Variants in BTG3 observed in about 807,000 individuals in gnomAD.
BTG3 encodes BTG anti-proliferation factor 3.
BTG3 carries 4 observed loss-of-function variants against 25.8 expected under a neutral mutation model. That is an observed-to-expected ratio of 0.16 (90% CI 0.08 to 0.36). The LOEUF (loss-of-function observed/expected upper bound fraction) is 0.36, where lower values mean the gene tolerates loss of function less well. BTG3 is among the 10% of genes least tolerant of loss of function. The pLI is 1.00. For missense variants in BTG3, 201 were observed against 304.9 expected, an observed-to-expected ratio of 0.66 and a Z score of 2.54; for synonymous variants, 107 against 99.9, an observed-to-expected ratio of 1.07 and a Z score of -0.42.
At chr21:17,594,436 C>G in intron 4 of BTG3, 104 bp from the exon 5 acceptor site, 21 of 1,299,616 alleles carry the variant, frequency 1.6e-5, no homozygotes, top group African/African-American at 3.0e-5. Context: ...ACACTGAGAT[C>G]ACATCTAAGT....
intron 4 of BTG3, 122 bp from the exon 5 acceptor site, chr21:17,594,454 C>G (rs1387350159): frequency 8.6e-7 from 1 of 1,160,730 alleles, no homozygotes; most frequent in East Asian, 2.5e-5. Context: ...AGTGACACTC[C>G]TATTGTCAGG....
At chr21:17,594,713 A>G (rs192491791) in intron 4 of BTG3, among the ~76,000 whole-genome samples, 1 of 152,188 alleles carries the variant, frequency 6.6e-6, no homozygotes, top group African/African-American at 2.4e-5. Context: ...TTGGAGCTGG[A>G]GGCCATTATC....
intron 2 of BTG3, chr21:17,608,678 C>G (rs2061679032): frequency 9.9e-6 from 3 of 302,100 alleles, no homozygotes; most frequent in African/African-American, 2.1e-5. Context: ...GTGAAAATCC[C>G]TAAGTATTTG....
rs1452764203 is a variant in BTG3 at position 17,607,397 on chromosome 21, AAATT to A, written c.173+1571_173+1574del. ...TTGGAAATGAAAATATGCAAAAAAA[AAATT>A]AAGATAATCAAGAGATAAGATAAAA... On this transcript the variant is annotated intron_variant, in intron 2 of 4. Coordinates refer to ENST00000348354, the MANE Select transcript of BTG3 (RefSeq NM_006806.5). 2.6e-5 allele frequency among the ~76,000 whole-genome samples: 4 copies of A among 152,336 alleles called. No individual in the cohort carries two copies. In the East Asian group the frequency reaches 7.7e-4, roughly 29 times the overall value.
chr21:17,605,097 T>TA, intron 2 of BTG3, 100 bp from the exon 3 acceptor site: 18 of 1,316,848 alleles, frequency 1.4e-5, no homozygotes, highest in East Asian at 7.5e-5. Flanking sequence ...AAAATAGTAA[T>TA]AAAAAAATAC....
chr21:17,601,656 CCA>C (rs371487819), intron 3 of BTG3, among the ~76,000 whole-genome samples: 4 of 152,190 alleles, frequency 2.6e-5, no homozygotes, highest in Admixed American at 6.5e-5. Flanking sequence ...CATGTCCCCT[CCA>C]CAGTTGGAAG....
At chr21:17,603,792 A>C (rs1417524468) in intron 3 of BTG3, among the ~76,000 whole-genome samples, 3 of 152,124 alleles carry the variant, frequency 2.0e-5, no homozygotes, top group African/African-American at 7.2e-5. Context: ...CTCCCAGCTC[A>C]AGTATCACCT....
Position 17,598,549 on chromosome 21 carries a change from T to G in BTG3, c.519+68A>C, listed in dbSNP as rs189739532. 3 of 1,348,828 alleles carry G rather than the reference T, an allele frequency of 2.2e-6. No individual in the cohort carries two copies. The Admixed American group carries it at 6.0e-5, about 27-fold the overall frequency. The allele number at this position is 1,348,828 out of a possible 1,614,324, so 83.6% of individuals were successfully genotyped here. On this transcript the variant is annotated intron_variant, in intron 4 of 4. Transcript: ENST00000348354. ...GTCAGAAACCTTGGGCAATGCCAAG[T>G]AGGACTACCTGAAAGGTCCTGGCAA...
chr21:17,610,205 G>T (rs1357761903), intron 1 of BTG3, among the ~76,000 whole-genome samples: 1 of 152,128 alleles, frequency 6.6e-6, no homozygotes, highest in African/African-American at 2.4e-5. Context: ...AATAAGTACA[G>T]GGTTACTTTT....
intron 4 of BTG3, among the ~76,000 whole-genome samples, chr21:17,597,140 T>A (rs2061514407): frequency 6.6e-6 from 1 of 152,036 alleles, no homozygotes; most frequent in African/African-American, 2.4e-5. Context: ...ACACCTCAAT[T>A]TCCATACCTT....
intron 3 of BTG3, among the ~76,000 whole-genome samples, chr21:17,602,268 CCTTT>C (rs935160049): frequency 4.6e-5 from 7 of 152,080 alleles, no homozygotes; most frequent in African/African-American, 1.7e-4. Flanking sequence ...GAAGTGATAA[CCTTT>C]CTAACTATAT....
intron 2 of BTG3, among the ~76,000 whole-genome samples, chr21:17,606,681 TA>T (rs2061647264): frequency 6.6e-6 from 1 of 152,118 alleles, no homozygotes; most frequent in Non-Finnish European, 1.5e-5. Context: ...TGTTTTGTAC[TA>T]TTTTTTTTCA....
chr21:17,594,985 T>TA, intron 4 of BTG3, among the ~76,000 whole-genome samples: 1 of 150,696 alleles, frequency 6.6e-6, no homozygotes, highest in African/African-American at 2.4e-5. Flanking sequence ...TGTGTATCCC[T>TA]AAACCTAAAA....
At chr21:17,594,470 A>C in intron 4 of BTG3, 138 bp from the exon 5 acceptor site, 1 of 1,024,184 alleles carries the variant, frequency 9.8e-7, no homozygotes, top group Non-Finnish European at 1.4e-6. Flanking sequence ...TCAGGTCTAA[A>C]TACATTAAAA....
intron 3 of BTG3, among the ~76,000 whole-genome samples, chr21:17,599,489 T>TC (rs1555877839): frequency 0.021 from 3,136 of 150,678 alleles, 113 homozygotes; most frequent in African/African-American, 0.071. Flanking sequence ...TTTTTTTTTT[T>TC]TTTTTGAGAC....
Position 17,598,794 on chromosome 21 carries a change from A to G in BTG3, c.342T>C (p.Val114=). 6.2e-7 allele frequency: 1 copy of G among 1,614,146 alleles called. No individual in the cohort carries two copies. Among genetic ancestry groups the G allele is most frequent in the Non-Finnish European group, 8.5e-7 (1 of 1,180,032 alleles). ...RYGEKNNAFI[V]ASFENKDENK... is the part of the protein sequence containing the mutation. ...TCTCATCTTTATTTTCAAAGCTGGC[A>G]ACAATGAATGCATTGTTTTTCTCTC... The change falls in exon 4 of 5, where the codon GTT becomes GTC. Residue 114 remains valine, a synonymous_variant. Coordinates refer to ENST00000348354, the MANE Select transcript of BTG3 (RefSeq NM_006806.5).
At chr21:17,610,019 G>A (rs1383658754) in intron 1 of BTG3, among the ~76,000 whole-genome samples, 2 of 152,188 alleles carry the variant, frequency 1.3e-5, no homozygotes, top group African/African-American at 4.8e-5. Flanking sequence ...ACTAATATAA[G>A]CTACAACATG....
intron 2 of BTG3, among the ~76,000 whole-genome samples, chr21:17,607,067 T>C (rs1402308552): frequency 6.6e-6 from 1 of 152,218 alleles, no homozygotes; most frequent in Non-Finnish European, 1.5e-5. Context: ...TAATCTTATA[T>C]TCTATTCATT....
chr21:17,595,494 T>C (rs1390701670), intron 4 of BTG3, among the ~76,000 whole-genome samples: 1 of 152,014 alleles, frequency 6.6e-6, no homozygotes, highest in African/African-American at 2.4e-5. Context: ...TATCCACATC[T>C]ATACACACTT....
Sources: gnomAD v4.1 joint callset for allele counts (sites outside exome capture counted in the v4.1 genomes callset) on GRCh38, gnomAD v4.1.1 for gene constraint, MANE v1.5 for transcripts, NCBI Gene and HGNC (gene_info 2026-07-23, HGNC 2026-07-21) for gene names.